The following TMEM164 variants were observed in gnomAD, a reference collection of about 807,000 sequenced individuals.
TMEM164 encodes transmembrane protein 164, also known as RP13-360B22.2.
A neutral mutation model predicts 18.8 loss-of-function variants in TMEM164; 4 were observed. That is an observed-to-expected ratio of 0.21 (90% confidence interval 0.10 to 0.49). The LOEUF is 0.49. Ranked by LOEUF, TMEM164 falls within the 20% of genes least tolerant of loss-of-function variation. TMEM164 has a pLI of 0.98. For missense variants in TMEM164, 108 were observed against 239.9 expected, an observed-to-expected ratio of 0.45 and a Z score of 3.63; for synonymous variants, 86 against 101.7, an observed-to-expected ratio of 0.85 and a Z score of 0.93.
chrX:110,040,913 A>G lies in TMEM164; in HGVS notation c.391-26434A>G, dbSNP rs760962794. The stretch of plus-strand genomic sequence containing the variant: ...GATCCCTATTTGACTGACTCTTTGG[A>G]TAAAACAGGTGGGCAGGCAACAAAT... On this transcript the variant is annotated intron_variant, in intron 2 of 6. Transcript: ENST00000372068. Among the ~76,000 whole-genome samples, 15 of 111,678 alleles carry G rather than the reference A, an allele frequency of 1.3e-4. No homozygotes were observed. The East Asian group carries it at 4.2e-3, about 32-fold the overall frequency.
intron 2 of TMEM164, among the ~76,000 whole-genome samples, chrX:110,010,351 G>A (rs1006943756): frequency 1.8e-5 from 2 of 112,616 alleles, no homozygotes; most frequent in Non-Finnish European, 3.8e-5. Flanking sequence ...GCTTCTCCTG[G>A]TCTTTCATAT....
At chrX:110,090,528 GATGGTCT>G (rs1322221690) in intron 3 of TMEM164, among the ~76,000 whole-genome samples, 7 of 110,172 alleles carry the variant, frequency 6.4e-5, no homozygotes, top group Admixed American at 1.9e-4. Context: ...TATTAACCAG[GATGGTCT>G]TGATCTCCTG....
intron 4 of TMEM164, among the ~76,000 whole-genome samples, chrX:110,128,763 A>G (rs770768808): frequency 1.8e-5 from 2 of 111,511 alleles, no homozygotes; most frequent in East Asian, 2.8e-4. Context: ...CTTCAGCTGT[A>G]TATTCCAGTT....
At chrX:110,022,348 T>C (rs975292795) in intron 2 of TMEM164, among the ~76,000 whole-genome samples, 15 of 111,505 alleles carry the variant, frequency 1.3e-4, no homozygotes, top group Admixed American at 1.0e-3. Context: ...AGATCTAAGA[T>C]GTAAGATTCT....
At chrX:110,110,256 A>G (rs752715802) in intron 4 of TMEM164, among the ~76,000 whole-genome samples, 7 of 111,573 alleles carry the variant, frequency 6.3e-5, no homozygotes, top group Non-Finnish European at 1.1e-4. Flanking sequence ...GATAGTTACA[A>G]TTTTCAAGAT....
At chrX:110,012,307 C>T (rs1487619092) in intron 2 of TMEM164, among the ~76,000 whole-genome samples, 2 of 112,043 alleles carry the variant, frequency 1.8e-5, no homozygotes, top group Non-Finnish European at 3.8e-5. Context: ...AGTTCCAAAA[C>T]AATCCTTTCT....
chrX:110,165,476 G>A (rs868061346), intron 5 of TMEM164, among the ~76,000 whole-genome samples: 1 of 112,303 alleles, frequency 8.9e-6, no homozygotes, highest in Middle Eastern at 4.6e-3. Context: ...CTAGCTTTAC[G>A]ATTGCCTCTT....
In TMEM164 at chrX:110,177,038, G is replaced by A. The variant is rs1243734083; in HGVS notation, c.*3587G>A. ...GGGTAGAGTCAGTGACAGGGAGGCA[G>A]CCCTCCTTTTGTGTATATAGAGTGA... On this transcript the variant is annotated 3_prime_UTR_variant, in exon 7 of 7. Coordinates refer to ENST00000372068, the MANE Select transcript of TMEM164 (RefSeq NM_032227.4). 1 of 111,242 alleles carries A rather than the reference G, an allele frequency of 9.0e-6. No individual in the cohort carries two copies. Among genetic ancestry groups the A allele is most frequent in the Non-Finnish European group, 1.9e-5 (1 of 52,875 alleles). The allele number at this position is 111,242 out of a possible 1,213,427, so 9.2% of individuals were successfully genotyped here. A position where few individuals can be genotyped will look rare whatever the true frequency, so the allele number is the denominator to read the frequency against.
chrX:110,045,075 T>C (rs1273441709), intron 2 of TMEM164, among the ~76,000 whole-genome samples: 1 of 111,840 alleles, frequency 8.9e-6, no homozygotes, highest in Non-Finnish European at 1.9e-5. Context: ...CTAGTTAACA[T>C]TGAACACTGA....
intron 2 of TMEM164, among the ~76,000 whole-genome samples, chrX:110,058,313 A>G (rs888395863): frequency 1.4e-4 from 15 of 107,498 alleles, no homozygotes; most frequent in African/African-American, 5.1e-4. Context: ...CTGTTCTTCA[A>G]ATTTGCTGGT....
intron 2 of TMEM164, among the ~76,000 whole-genome samples, chrX:110,037,125 A>G (rs1244691036): frequency 3.6e-5 from 4 of 110,560 alleles, no homozygotes; most frequent in South Asian, 3.9e-4. Flanking sequence ...AGAGAGAGAG[A>G]GAGAGGGGAA....
intron 6 of TMEM164, among the ~76,000 whole-genome samples, chrX:110,171,843 T>C (rs1171206674): frequency 8.9e-6 from 1 of 112,257 alleles, no homozygotes; most frequent in East Asian, 2.8e-4. Context: ...GGCAGGACCC[T>C]AACCCTGCCC....
At chrX:110,146,003 C>A (rs1193338902) in intron 5 of TMEM164, among the ~76,000 whole-genome samples, 1 of 111,717 alleles carries the variant, frequency 9.0e-6, no homozygotes, top group Non-Finnish European at 1.9e-5. Context: ...CTCACGATGT[C>A]CCAAAACACT....
intron 5 of TMEM164, among the ~76,000 whole-genome samples, chrX:110,149,376 A>T (rs2066908282): frequency 9.0e-6 from 1 of 111,684 alleles, no homozygotes; most frequent in Admixed American, 9.5e-5. Flanking sequence ...GCTTCTAAAG[A>T]TCACCAGCAA....
chrX:110,068,688 A>T (rs1184162680), intron 3 of TMEM164, among the ~76,000 whole-genome samples: 1 of 111,809 alleles, frequency 8.9e-6, no homozygotes, highest in African/African-American at 3.2e-5. Flanking sequence ...AATCATAAAT[A>T]TGATTGCTGG....
chrX:110,147,361 T>C (rs943289961), intron 5 of TMEM164, among the ~76,000 whole-genome samples: 6 of 112,256 alleles, frequency 5.3e-5, no homozygotes, highest in Admixed American at 2.8e-4. Flanking sequence ...TGCTACGCTA[T>C]ATGTATACAA....
intron 4 of TMEM164, among the ~76,000 whole-genome samples, chrX:110,122,319 G>C (rs1044415801): frequency 2.8e-5 from 3 of 106,085 alleles, no homozygotes; most frequent in African/African-American, 1.0e-4. Flanking sequence ...GTAAACTATC[G>C]CAAGAACAAA....
At chrX:110,044,553 C>T (rs762782145) in intron 2 of TMEM164, among the ~76,000 whole-genome samples, 2 of 106,561 alleles carry the variant, frequency 1.9e-5, no homozygotes, top group East Asian at 5.8e-4. Flanking sequence ...AATCCTCCCA[C>T]CACAGCCTCC....
chrX:110,066,617 T>TG (rs1335473036), intron 2 of TMEM164, among the ~76,000 whole-genome samples: 1 of 112,295 alleles, frequency 8.9e-6, no homozygotes, highest in African/African-American at 3.2e-5. Flanking sequence ...TCTTGATGTT[T>TG]GAGCACCACT....
Sources: gnomAD v4.1 joint callset for allele counts (sites outside exome capture counted in the v4.1 genomes callset) on GRCh38, gnomAD v4.1.1 for gene constraint, MANE v1.5 for transcripts, NCBI Gene and HGNC (gene_info 2026-07-23, HGNC 2026-07-21) for gene names.